The following NUP153 variants were observed in gnomAD, a reference collection of about 807,000 sequenced individuals.
NUP153 encodes the protein nuclear pore complex protein Nup153.
A neutral mutation model predicts 134.6 loss-of-function variants in NUP153; 27 were observed. The observed-to-expected ratio is 0.20, with a 90% confidence interval of 0.15 to 0.28. The LOEUF (loss-of-function observed/expected upper bound fraction) is 0.28, where lower values mean the gene tolerates loss of function less well. Among genes scored for constraint, NUP153 ranks in the 10% least tolerant of loss-of-function variants. NUP153 has a pLI of 1.00. For missense variants in NUP153, 1,821 were observed against 1,731.3 expected (o/e 1.05, Z -0.92); for synonymous variants, 640 against 623.5 (o/e 1.03, Z -0.40).
At chr6:17,668,058 A>G (rs918617701) in intron 8 of NUP153, among the ~76,000 whole-genome samples, 4 of 139,874 alleles carry the variant, frequency 2.9e-5, no homozygotes, top group African/African-American at 1.1e-4. Flanking sequence ...TGAGGACTTT[A>G]GTTTACTGAA....
At chr6:17,617,384 C>G (rs77437282) in intron 20 of NUP153, among the ~76,000 whole-genome samples, 6,148 of 143,150 alleles carry the variant, frequency 0.043, 391 homozygotes, top group East Asian at 0.3. Context: ...AGGGAAAGAA[C>G]AGAAGCAATT....
intron 11 of NUP153, 147 bp downstream of exon 11, chr6:17,661,506 C>T: frequency 1.5e-6 from 1 of 646,508 alleles, no homozygotes; most frequent in Non-Finnish European, 2.4e-6. Flanking sequence ...ATTAGGTTTT[C>T]AGCATGCATT....
chr6:17,683,155 C>A (rs367683424), intron 2 of NUP153, among the ~76,000 whole-genome samples: 43 of 152,212 alleles, frequency 2.8e-4, no homozygotes, highest in African/African-American at 1.0e-3. Context: ...AACTCCTATT[C>A]ATGTCAATAT....
rs3777711 is a variant in NUP153, at chr6:17,616,025, C to T, written c.*72G>A. ...GATCTGACTTCAGATAACCCCAGCACAAAGTACAATCCAGTATCTGAAAGC... is the reference window on the plus strand; with the variant it reads ...GATCTGACTTCAGATAACCCCAGCATAAAGTACAATCCAGTATCTGAAAGC... On this transcript the variant is annotated 3_prime_UTR_variant, in exon 22 of 22. Transcript: ENST00000262077. The T allele has an allele frequency of 0.024, 26,457 of 1,118,440 alleles. 2,119 individuals are homozygous for T. The East Asian group carries it at 0.28, about 12-fold the overall frequency. 69.3% of individuals were successfully genotyped at this position (1,118,440 alleles called of 1,614,324 possible).
chr6:17,664,758 T>TGACCAA (rs1260048783), intron 9 of NUP153, among the ~76,000 whole-genome samples: 1 of 152,038 alleles, frequency 6.6e-6, no homozygotes, highest in Non-Finnish European at 1.5e-5. Context: ...ACTTAAGATC[T>TGACCAA]GACCAAGGTA....
Position 17,628,608 on chromosome 6 carries a change from T to C in NUP153, c.3544+47A>G, listed in dbSNP as rs1765064598. On this transcript the variant is annotated intron_variant, in intron 18 of 21. Coordinates refer to ENST00000262077, the MANE Select transcript of NUP153 (RefSeq NM_005124.4). This position sits in a 1 kb window ranked among gnomAD's most constrained non-coding sequence, Gnocchi z 5.4. ...CAAGGCAACTTGTAAAACGACAACT[T>C]GTAAAAAAAAAAATAATAATAATAA... 1 of 816,798 alleles carries C rather than the reference T, an allele frequency of 1.2e-6. No individual in the cohort carries two copies. The highest frequency in any genetic ancestry group is 6.8e-5 in the South Asian group (1 of 14,750). 50.6% of individuals were successfully genotyped at this position (816,798 alleles called of 1,614,324 possible).
intron 2 of NUP153, among the ~76,000 whole-genome samples, chr6:17,687,956 T>C (rs1241499989): frequency 6.6e-6 from 1 of 151,086 alleles, no homozygotes; most frequent in South Asian, 2.1e-4. Context: ...CTATAAAAAA[T>C]ACCAAAAAAA....
At position 17,640,061 on chromosome 6, in the gene NUP153, T is replaced by G; in HGVS notation, c.1724A>C (p.His575Pro). The change falls in exon 15 of 22, where the codon CAT becomes CCT. Residue 575 changes from histidine (H) to proline (P), a missense_variant. Transcript: ENST00000262077. ...TLEPIISSSAHHVTTVNSTNC... is the reference protein window; with the variant it reads ...TLEPIISSSAPHVTTVNSTNC... ...TGTACTGTTCACTGTAGTGACATGA[T>G]GAGCTGTAATTTTTTTAAATTTAAT... 1.9e-6 allele frequency: 3 copies of G among 1,553,248 alleles called. No individual in the cohort carries two copies. The highest frequency in any genetic ancestry group is 1.7e-6 in the Non-Finnish European group (2 of 1,153,540).
intron 1 of NUP153, among the ~76,000 whole-genome samples, chr6:17,694,012 A>G (rs889851936): frequency 1.2e-4 from 19 of 152,060 alleles, no homozygotes; most frequent in African/African-American, 4.3e-4. Flanking sequence ...TTTTATTAAA[A>G]CTTTTTTTCT....
chr6:17,646,578 T>C lies in NUP153; in HGVS notation c.1633-424A>G, dbSNP rs192205667. ...TATTTTAAGATATAGTTTATAATAT[T>C]TCACTATCTCTAAAAGTGAGATTCT... On this transcript the variant is annotated intron_variant, in intron 13 of 21. Transcript: ENST00000262077. 2.3e-3 allele frequency among the ~76,000 whole-genome samples: 346 copies of C among 152,312 alleles called. 1 individual carries two copies. Among genetic ancestry groups the C allele is most frequent in the Admixed American group, 4.8e-3 (73 of 15,306 alleles).
chr6:17,663,792 T>C (rs1184269116), intron 9 of NUP153, among the ~76,000 whole-genome samples: 1 of 152,116 alleles, frequency 6.6e-6, no homozygotes, highest in Non-Finnish European at 1.5e-5. Flanking sequence ...ACAAAATAAA[T>C]ACAAGTTAAA....
rs143662961 is a variant in NUP153, at chr6:17,666,218, T to C, written c.1069-833A>G. Among the ~76,000 whole-genome samples the C allele has an allele frequency of 3.0e-3, 459 of 152,228 alleles. 3 individuals carry two copies. Among genetic ancestry groups the C allele is most frequent in the African/African-American group, 1.0e-2 (414 of 41,552 alleles). On this transcript the variant is annotated intron_variant, in intron 8 of 21. Transcript: ENST00000262077. ...TATTTTTTGAGCTGCAAATAAGATA[T>C]TTTAAAACTAGCTATGGGCCAGGCG...
In NUP153 at chr6:17,678,352, C is replaced by CAAAAAAAAAAAAAAAAAAAA. The variant is rs11428582; in HGVS notation, c.335-2602_335-2583dup. On this transcript the variant is annotated intron_variant, in intron 2 of 21. Coordinates refer to ENST00000262077, the MANE Select transcript of NUP153 (RefSeq NM_005124.4). ...GCCTGGTTGACAGAACCCTCTGTCT[C>CAAAAAAAAAAAAAAAAAAAA]AAAAAAAAAAAAAAAAAAAAAAAGA... Among the ~76,000 whole-genome samples the CAAAAAAAAAAAAAAAAAAAA allele has an allele frequency of 1.1e-3, 75 of 68,224 alleles. 1 individual carries two copies. Among genetic ancestry groups the CAAAAAAAAAAAAAAAAAAAA allele is most frequent in the African/African-American group, 1.7e-3 (26 of 15,712 alleles). The allele number at this position is 68,224 out of a possible 152,430, so 44.8% of individuals were successfully genotyped here. A position where few individuals can be genotyped will look rare whatever the true frequency, so the allele number is the denominator to read the frequency against.
At position 17,674,984 on chromosome 6, in the gene NUP153, G is replaced by A. The variant is rs1430584225; in HGVS notation, c.773C>T (p.Pro258Leu). Residue 258 changes from proline to leucine, a missense_variant, in exon 5 of 22, where the codon CCT becomes CTT. Coordinates refer to ENST00000262077, the MANE Select transcript of NUP153 (RefSeq NM_005124.4). The part of the protein sequence containing the change: ...ILKTSQLGDS[P>L]FYPGKTTYGG... Reference sequence around the variant, plus strand: ...GTATGTTGTTTTTCCAGGATAAAAAGGAGAATCTCCAAGCTGACTGGTTTT... The same window carrying A: ...GTATGTTGTTTTTCCAGGATAAAAAAGAGAATCTCCAAGCTGACTGGTTTT... The A allele has an allele frequency of 6.2e-7, 1 of 1,613,444 alleles. No homozygotes were observed. Among genetic ancestry groups the A allele is most frequent in the East Asian group, 2.2e-5 (1 of 44,844 alleles).
rs1262694244 is a variant in NUP153 at position 17,680,513 on chromosome 6, T to C, written c.335-4743A>G. 6.6e-6 allele frequency among the ~76,000 whole-genome samples: 1 copy of C among 152,084 alleles called. No homozygotes were observed. Among genetic ancestry groups the C allele is most frequent in the Non-Finnish European group, 1.5e-5 (1 of 68,016 alleles). Reference sequence around the variant, plus strand: ...ATAAAACTTATAGAAGAAAACAGAATTTCAGGACATGAGATTTGACAATGA... The same window carrying C: ...ATAAAACTTATAGAAGAAAACAGAACTTCAGGACATGAGATTTGACAATGA... On this transcript the variant is annotated intron_variant, in intron 2 of 21. Coordinates refer to ENST00000262077, the MANE Select transcript of NUP153 (RefSeq NM_005124.4). The surrounding 1 kb of genome is among the most constrained non-coding windows in gnomAD (Gnocchi z 4.5).
In NUP153 at chr6:17,629,532, G is replaced by A. The variant is rs144128421; in HGVS notation, c.2667C>T (p.Asp889=). 12 of 1,584,718 alleles carry A rather than the reference G, an allele frequency of 7.6e-6. No homozygotes were observed. The highest frequency in any genetic ancestry group is 1.0e-5 in the Non-Finnish European group (12 of 1,171,632). The change falls in exon 18 of 22, where the codon GAC becomes GAT. Residue 889 remains aspartate (D), a synonymous_variant. Coordinates refer to ENST00000262077, the MANE Select transcript of NUP153 (RefSeq NM_005124.4). The part of the protein sequence containing the change: ...PGTKSGFKGF[D]TSSSSSNSAA... ...CTGAGTTCGAAGATGAGGAAGATGT[G>A]TCAAAGCCTACAAAAATATAAAAGA...
chr6:17,649,425 T>C, intron 11 of NUP153, 125 bp from the exon 12 acceptor site: 1 of 814,568 alleles, frequency 1.2e-6, no homozygotes, highest in Non-Finnish European at 1.8e-6. Context: ...TATGGGTTCT[T>C]CAATCAGAAA....
At chr6:17,654,568 C>A (rs1766697359) in intron 11 of NUP153, among the ~76,000 whole-genome samples, 1 of 152,182 alleles carries the variant, frequency 6.6e-6, no homozygotes, top group Non-Finnish European at 1.5e-5. Flanking sequence ...GATCCGCCCA[C>A]CTCGGCCTCC....
chr6:17,650,936 T>G (rs917060965), intron 11 of NUP153, among the ~76,000 whole-genome samples: 1 of 151,720 alleles, frequency 6.6e-6, no homozygotes, highest in Admixed American at 6.6e-5. Flanking sequence ...GAAAGTAACA[T>G]AAAGTAATCT....
Sources: allele counts gnomAD v4.1 joint callset (sites outside exome capture counted in the v4.1 genomes callset), GRCh38; gene constraint gnomAD v4.1.1; non-coding constraint Gnocchi (gnomAD v3.1); transcripts MANE v1.5; gene names NCBI Gene and HGNC (gene_info 2026-07-23, HGNC 2026-07-21).